DEFB110: variants seen among roughly 807,000 people sequenced by gnomAD.
DEFB110 encodes the protein defensin beta 110, also known as beta-defensin 110.
Under a neutral mutation model 2.5 loss-of-function variants are expected in DEFB110, and 4 were observed. That is an observed-to-expected ratio of 1.60 (90% CI 0.79 to 3.66). The LOEUF is 3.66. Ranked by LOEUF, DEFB110 falls within the 30% of genes most tolerant of loss-of-function variation. The pLI is 0.01. For missense variants in DEFB110, 94 were observed against 75.4 expected, an observed-to-expected ratio of 1.25 and a Z score of -0.91; for synonymous variants, 29 against 21.8, an observed-to-expected ratio of 1.33 and a Z score of -0.92.
At chr6:50,012,517 T>C (rs1048232636) in intron 1 of DEFB110, among the ~76,000 whole-genome samples, 3 of 151,944 alleles carry the variant, frequency 2.0e-5, no homozygotes, top group African/African-American at 4.8e-5. Flanking sequence ...TTAGGCCCTA[T>C]ATTTGCAGTT....
intron 1 of DEFB110, among the ~76,000 whole-genome samples, chr6:50,020,964 C>T (rs918484648): frequency 4.6e-5 from 7 of 152,112 alleles, no homozygotes; most frequent in Non-Finnish European, 1.0e-4. Context: ...ATGAATGCAC[C>T]TTGGACTGAC....
intron 1 of DEFB110, among the ~76,000 whole-genome samples, chr6:50,010,624 T>C (rs954418270): frequency 6.7e-6 from 1 of 149,498 alleles, no homozygotes; most frequent in Non-Finnish European, 1.5e-5. Context: ...TTTTGATGTA[T>C]ATATATATTT....
At chr6:50,011,802 A>G (rs1243386774) in intron 1 of DEFB110, among the ~76,000 whole-genome samples, 2 of 152,054 alleles carry the variant, frequency 1.3e-5, no homozygotes, top group Non-Finnish European at 2.9e-5. Flanking sequence ...GAAAGTAAAA[A>G]GAGTTATGTT....
chr6:50,009,413 C>A, intron 1 of DEFB110: 1 of 807,104 alleles, frequency 1.2e-6, no homozygotes, highest in Non-Finnish European at 1.9e-6. Flanking sequence ...TGTTTTGTAG[C>A]AGAATTTATG....
At chr6:50,011,503 C>A (rs75577656) in intron 1 of DEFB110, among the ~76,000 whole-genome samples, 7 of 151,968 alleles carry the variant, frequency 4.6e-5, no homozygotes, top group Non-Finnish European at 8.8e-5. Context: ...TGAGGTACCA[C>A]AAATAGAGTG....
At chr6:50,011,150 T>C (rs1480686501) in intron 1 of DEFB110, among the ~76,000 whole-genome samples, 1 of 151,398 alleles carries the variant, frequency 6.6e-6, no homozygotes, top group East Asian at 1.9e-4. Context: ...TTATGAAAAT[T>C]GATACGTATC....
At chr6:50,009,343 A>G in intron 1 of DEFB110, 1 of 1,475,742 alleles carries the variant, frequency 6.8e-7, no homozygotes, top group Non-Finnish European at 9.0e-7. Flanking sequence ...AAAGAAAGAC[A>G]AAAACTGTTC....
intron 1 of DEFB110, among the ~76,000 whole-genome samples, chr6:50,011,306 A>G (rs958622909): frequency 6.6e-6 from 1 of 152,034 alleles, no homozygotes; most frequent in South Asian, 2.1e-4. Context: ...CCACATAAAA[A>G]CAAATTGTTT....
At chr6:50,016,077 CTGAA>C (rs918582006), downstream of DEFB110, among the ~76,000 whole-genome samples, 7 of 151,778 alleles carry the variant, frequency 4.6e-5, no homozygotes, top group Admixed American at 2.0e-4. Flanking sequence ...GAAAAGTTGC[CTGAA>C]TAAGTACATT....
intron 1 of DEFB110, among the ~76,000 whole-genome samples, chr6:50,012,974 T>A (rs1328653560): frequency 6.6e-6 from 1 of 151,898 alleles, no homozygotes; most frequent in Non-Finnish European, 1.5e-5. Flanking sequence ...TTGTAAACTC[T>A]TCCTGGAATA....
rs990279246 is a variant in DEFB110 at position 50,011,188 on chromosome 6, G to GAT, written c.56-1919_56-1918dup. 4.1e-3 allele frequency among the ~76,000 whole-genome samples: 611 copies of GAT among 150,538 alleles called. 4 individuals are homozygous for GAT. The highest frequency in any genetic ancestry group is 0.014 in the African/African-American group (564 of 41,110). On this transcript the variant is annotated intron_variant, in intron 1 of 1. Coordinates refer to the DEFB110 transcript ENST00000393660. ...TTTATAATACATATAGATAAATATTGATATATATATATCAATATATAAAAA... is the reference window on the plus strand; with the variant it reads ...TTTATAATACATATAGATAAATATTGATATATATATATATCAATATATAAAAA...
At chr6:50,010,999 T>TA (rs1372420337) in intron 1 of DEFB110, among the ~76,000 whole-genome samples, 4 of 152,022 alleles carry the variant, frequency 2.6e-5, no homozygotes, top group South Asian at 4.1e-4. Context: ...TGAGGAAATC[T>TA]ATAGAACCAT....
downstream of DEFB110, among the ~76,000 whole-genome samples, chr6:50,016,075 G>A (rs1320269039): frequency 2.0e-5 from 3 of 151,724 alleles, no homozygotes; most frequent in African/African-American, 4.8e-5. Flanking sequence ...ATGAAAAGTT[G>A]CCTGAATAAG....
chr6:50,018,928 A>T lies in DEFB110; in HGVS notation c.*49T>A. On this transcript the variant is annotated 3_prime_UTR_variant, in exon 2 of 2. Coordinates refer to ENST00000371148, the MANE Select transcript of DEFB110 (RefSeq NM_001037497.2). The stretch of plus-strand genomic sequence containing the variant: ...GAAGGATGTGCTGGGAAAACTTAAT[A>T]ACGCTGGTCTCTCTTCTTGGAGCTT... The T allele has an allele frequency of 6.4e-7, 1 of 1,564,932 alleles. No homozygotes were observed. The highest frequency in any genetic ancestry group is 8.6e-7 in the Non-Finnish European group (1 of 1,159,714).
At chr6:50,020,589 G>A (rs968267197) in intron 1 of DEFB110, among the ~76,000 whole-genome samples, 1 of 152,126 alleles carries the variant, frequency 6.6e-6, no homozygotes, top group Non-Finnish European at 1.5e-5. Flanking sequence ...TAGGCAGTCT[G>A]TCTGCAGTTC....
At chr6:50,014,739 T>G (rs1351938603), downstream of DEFB110, among the ~76,000 whole-genome samples, 2 of 151,740 alleles carry the variant, frequency 1.3e-5, no homozygotes, top group African/African-American at 2.4e-5. Context: ...TTCAATTCAA[T>G]GATCCAATTG....
chr6:50,013,567 A>G (rs548450565), intron 1 of DEFB110, among the ~76,000 whole-genome samples: 1 of 151,936 alleles, frequency 6.6e-6, no homozygotes, highest in East Asian at 1.9e-4. Context: ...AAGGGAGGAA[A>G]TAGAGAAATT....
intron 1 of DEFB110, 125 bp downstream of exon 1, chr6:50,021,756 T>C (rs867454867): frequency 5.5e-6 from 5 of 903,230 alleles, no homozygotes; most frequent in South Asian, 3.7e-5. Context: ...CAATCTAAAA[T>C]ACCACATTAC....
chr6:50,021,894 G>A lies in DEFB110; in HGVS notation c.42C>T (p.Val14=). 1 of 1,554,188 alleles carries A rather than the reference G, an allele frequency of 6.4e-7. No individual in the cohort carries two copies. The highest frequency in any genetic ancestry group is 8.6e-7 in the Non-Finnish European group (1 of 1,158,756). The change falls in exon 1 of 2, where the codon GTC becomes GTT. Residue 14 remains valine, a synonymous_variant. Coordinates refer to ENST00000371148, the MANE Select transcript of DEFB110 (RefSeq NM_001037497.2). ...TTTGCATATTACCTGGTAAAATTGT[G>A]ACCCAAAAGTGCAGAATAAAGAAAA... ...QLFFFILHFW[V]TILPAKKKYP...
Sources: allele counts gnomAD v4.1 joint callset (sites outside exome capture counted in the v4.1 genomes callset), GRCh38; gene constraint gnomAD v4.1.1; transcripts MANE v1.5; gene names NCBI Gene and HGNC (gene_info 2026-07-23, HGNC 2026-07-21).